Variants in AFG2A observed in about 807,000 individuals in gnomAD.
The protein encoded by AFG2A is ATPase family gene 2 protein homolog A.
the AFG2A span, among the ~76,000 whole-genome samples, chr4:123,076,306 C>A: frequency 1.1e-4 from 17 of 151,760 alleles, no homozygotes; most frequent in African/African-American, 4.1e-4. Flanking sequence ...TTTTCCTTAC[C>A]TGTGATTTAA....
the AFG2A span, among the ~76,000 whole-genome samples, chr4:122,992,956 T>TTGTGTG: frequency 1.6e-3 from 212 of 132,856 alleles, no homozygotes; most frequent in African/African-American, 3.8e-3. Flanking sequence ...CCTGTAAGAT[T>TTGTGTG]TGTGTGTGTG....
the AFG2A span, among the ~76,000 whole-genome samples, chr4:123,066,904 T>C: frequency 6.6e-6 from 1 of 152,174 alleles, no homozygotes; most frequent in Admixed American, 6.5e-5. Context: ...GTATGAGAGT[T>C]CTATGAGTTT....
At chr4:123,070,053 A>T in the AFG2A span, among the ~76,000 whole-genome samples, 1 of 152,142 alleles carries the variant, frequency 6.6e-6, no homozygotes. Flanking sequence ...TAAGTAAGGA[A>T]CTGACTGTTA....
chr4:122,997,466 A>G, the AFG2A span, among the ~76,000 whole-genome samples: 1 of 152,170 alleles, frequency 6.6e-6, no homozygotes, highest in Non-Finnish European at 1.5e-5. Flanking sequence ...AGCATGTATC[A>G]GTATTTAATT....
At chr4:123,209,212 C>T in the AFG2A span, among the ~76,000 whole-genome samples, 1 of 152,132 alleles carries the variant, frequency 6.6e-6, no homozygotes, top group Non-Finnish European at 1.5e-5. Context: ...CAACCTGGGG[C>T]TTGTGGTTGT....
At chr4:122,982,515 G>A in the AFG2A span, among the ~76,000 whole-genome samples, 2 of 152,130 alleles carry the variant, frequency 1.3e-5, no homozygotes, top group Non-Finnish European at 1.5e-5. Context: ...AGTGAGTTTG[G>A]AAGTGTTCCT....
At chr4:123,029,635 A>G in the AFG2A span, among the ~76,000 whole-genome samples, 1 of 152,066 alleles carries the variant, frequency 6.6e-6, no homozygotes, top group Non-Finnish European at 1.5e-5. Flanking sequence ...TAAAGGTTTC[A>G]GGTTTATTTG....
At chr4:123,074,159 A>G in the AFG2A span, among the ~76,000 whole-genome samples, 3 of 133,916 alleles carry the variant, frequency 2.2e-5, no homozygotes, top group Non-Finnish European at 4.6e-5. Flanking sequence ...AGTGGCGCGA[A>G]CTTGGCTCAC....
the AFG2A span, among the ~76,000 whole-genome samples, chr4:123,308,896 A>T: frequency 1.3e-5 from 2 of 152,180 alleles, no homozygotes; most frequent in Non-Finnish European, 1.5e-5. Context: ...CTGCCCTTTG[A>T]CCCATTAAAC....
chr4:123,043,823 T>G, the AFG2A span, among the ~76,000 whole-genome samples: 1,181 of 152,354 alleles, frequency 7.8e-3, 22 homozygotes, highest in African/African-American at 0.027. Context: ...AAAGGAGGAC[T>G]CTGGTGAAGC....
At chr4:123,207,276 TTG>T in the AFG2A span, among the ~76,000 whole-genome samples, 1 of 148,498 alleles carries the variant, frequency 6.7e-6, no homozygotes. Flanking sequence ...TTCAGGTTAG[TTG>T]TGTTTCCTTT....
chr4:122,943,726 A>G, the AFG2A span, among the ~76,000 whole-genome samples: 1 of 152,130 alleles, frequency 6.6e-6, no homozygotes, highest in Non-Finnish European at 1.5e-5. Context: ...GTTTCTTCCT[A>G]GTCTCAATGG....
chr4:123,312,971 C>T, the AFG2A span, among the ~76,000 whole-genome samples: 1 of 152,208 alleles, frequency 6.6e-6, no homozygotes. Flanking sequence ...CTGGCCCTTT[C>T]ATTTACCAAT....
At chr4:123,112,867 A>C in the AFG2A span, among the ~76,000 whole-genome samples, 1 of 152,156 alleles carries the variant, frequency 6.6e-6, no homozygotes, top group African/African-American at 2.4e-5. Context: ...TCTATATAAA[A>C]TCTGAAGATT....
the AFG2A span, among the ~76,000 whole-genome samples, chr4:123,234,843 G>A: frequency 1.3e-5 from 2 of 152,016 alleles, no homozygotes; most frequent in African/African-American, 4.8e-5. Context: ...TACCAGCTAT[G>A]TAACTTTAGG....
the AFG2A span, among the ~76,000 whole-genome samples, chr4:123,134,788 A>C: frequency 3.3e-5 from 5 of 152,126 alleles, no homozygotes; most frequent in African/African-American, 4.8e-5. Context: ...ATCAGTGGAA[A>C]GCCCAGAACC....
chr4:123,028,261 C>T, the AFG2A span: 1 of 1,614,114 alleles, frequency 6.2e-7, no homozygotes, highest in Non-Finnish European at 8.5e-7. Flanking sequence ...GCCCTTAAAA[C>T]ATCCAGAGTC....
At chr4:123,007,586 G>A in the AFG2A span, among the ~76,000 whole-genome samples, 754 of 10,206 alleles carry the variant, frequency 0.074, 18 homozygotes, top group Non-Finnish European at 0.13. Context: ...GTGTGTGTGT[G>A]TGTGTGTGTG....
chr4:122,973,095 T>C, the AFG2A span, among the ~76,000 whole-genome samples: 2 of 152,304 alleles, frequency 1.3e-5, no homozygotes, highest in Non-Finnish European at 2.9e-5. Flanking sequence ...TTATCAGGCA[T>C]GTATTAATTT....
Sources: allele counts gnomAD v4.1 joint callset (sites outside exome capture counted in the v4.1 genomes callset), GRCh38; gene constraint gnomAD v4.1.1; transcripts MANE v1.5; gene names NCBI Gene and HGNC (gene_info 2026-07-23, HGNC 2026-07-21).